Variants in YWHAQ observed in about 807,000 individuals in gnomAD.
YWHAQ encodes the protein tyrosine 3-monooxygenase/tryptophan 5-monooxygenase activation protein theta.
In YWHAQ, 6 loss-of-function variants were observed where a neutral mutation model predicts 28.3. That is an observed-to-expected ratio of 0.21 (90% CI 0.12 to 0.42). The LOEUF (loss-of-function observed/expected upper bound fraction) is 0.42. Ranked by LOEUF, YWHAQ falls within the 10% of genes least tolerant of loss-of-function variation. The pLI, the probability that YWHAQ is intolerant of heterozygous loss-of-function variation, is 1.00. For synonymous variants in YWHAQ, 143 were observed against 119.1 expected, an observed-to-expected ratio of 1.20 and a Z score of -1.31; for missense variants, 201 against 305.6, an observed-to-expected ratio of 0.66 and a Z score of 2.55.
At chr2:9,621,461 C>A (rs1346330938) in intron 2 of YWHAQ, among the ~76,000 whole-genome samples, 2 of 152,128 alleles carry the variant, frequency 1.3e-5, no homozygotes, top group Non-Finnish European at 2.9e-5. Flanking sequence ...ACATGGCAAC[C>A]AACAATTACA....
chr2:9,610,002 G>A (rs1349688481), intron 2 of YWHAQ, among the ~76,000 whole-genome samples: 2 of 152,304 alleles, frequency 1.3e-5, no homozygotes, highest in Middle Eastern at 3.4e-3. Context: ...AAGAGGACAC[G>A]TGTTTCCCGC....
In YWHAQ at chr2:9,630,632, G is replaced by A. The variant is rs971024528; in HGVS notation, c.-82-98C>T. On this transcript the variant is annotated intron_variant, in intron 1 of 5. Transcript: ENST00000238081. The surrounding 1 kb of genome is among the most constrained non-coding windows in gnomAD (Gnocchi z 5.6). Reference sequence around the variant, plus strand: ...GCCCGCTTTTGTCTCCCGCACACGCGGCCGCTTGAATTTCCCTCTCCCCCG... The same window carrying A: ...GCCCGCTTTTGTCTCCCGCACACGCAGCCGCTTGAATTTCCCTCTCCCCCG... The A allele has an allele frequency of 6.9e-6, 4 of 578,768 alleles. No individual in the cohort carries two copies. Among genetic ancestry groups the A allele is most frequent in the African/African-American group, 6.0e-5 (3 of 49,986 alleles). 35.9% of individuals were successfully genotyped at this position (578,768 alleles called of 1,614,324 possible). A position where few individuals can be genotyped will look rare whatever the true frequency, so the allele number is the denominator to read the frequency against.
chr2:9,630,101 CT>C lies in YWHAQ; in HGVS notation c.294+57del. ...CACGTTTGTTTCCGTGCCCGCGAAA[CT>C]CTCAATGAAAAGCATCTCACAAAAG... On this transcript the variant is annotated intron_variant, in intron 2 of 5. Coordinates refer to ENST00000238081, the MANE Select transcript of YWHAQ (RefSeq NM_006826.4). This position sits in a 1 kb window ranked among gnomAD's most constrained non-coding sequence, Gnocchi z 5.6. 4 of 1,561,428 alleles carry C rather than the reference CT, an allele frequency of 2.6e-6. No homozygotes were observed. Among genetic ancestry groups the C allele is most frequent in the Non-Finnish European group, 3.5e-6 (4 of 1,150,558 alleles).
intron 5 of YWHAQ, among the ~76,000 whole-genome samples, chr2:9,585,762 T>C (rs1027324907): frequency 6.6e-6 from 1 of 151,750 alleles, no homozygotes; most frequent in African/African-American, 2.4e-5. Context: ...AAAAACAAAA[T>C]TGGCCAGGTA....
intron 2 of YWHAQ, among the ~76,000 whole-genome samples, chr2:9,593,962 C>A (rs1330947969): frequency 7.5e-6 from 1 of 132,924 alleles, no homozygotes; most frequent in African/African-American, 3.0e-5. Flanking sequence ...GGGCCTGAGG[C>A]CAGAGGAAGT....
At chr2:9,613,198 T>C (rs7601942) in intron 2 of YWHAQ, among the ~76,000 whole-genome samples, 8,915 of 152,272 alleles carry the variant, frequency 0.059, 759 homozygotes, top group African/African-American at 0.19. Context: ...CACTCATTAA[T>C]GTGAATTTGC....
chr2:9,592,173 A>G (rs1228573408), intron 2 of YWHAQ, among the ~76,000 whole-genome samples: 1 of 152,222 alleles, frequency 6.6e-6, no homozygotes, highest in Non-Finnish European at 1.5e-5. Flanking sequence ...TCCATCTAAA[A>G]TGAGGTAAAT....
chr2:9,595,758 A>G (rs1379403220), intron 2 of YWHAQ, among the ~76,000 whole-genome samples: 1 of 150,946 alleles, frequency 6.6e-6, no homozygotes, highest in South Asian at 2.1e-4. Context: ...TCCCCCACTG[A>G]TTTCTTCTGT....
chr2:9,621,521 C>T lies in YWHAQ; in HGVS notation c.294+8638G>A, dbSNP rs143904122. Among the ~76,000 whole-genome samples the T allele has an allele frequency of 3.6e-3, 553 of 152,268 alleles. 4 individuals are homozygous for T. Among genetic ancestry groups the T allele is most frequent in the African/African-American group, 0.013 (525 of 41,552 alleles). On this transcript the variant is annotated intron_variant, in intron 2 of 5. Transcript: ENST00000238081. Reference sequence around the variant, plus strand: ...CCTGGATCTTACCATTAACCTTTTGCCATACTTGCTTTTTCAGATACCCAT... The same window carrying T: ...CCTGGATCTTACCATTAACCTTTTGTCATACTTGCTTTTTCAGATACCCAT...
intron 2 of YWHAQ, among the ~76,000 whole-genome samples, chr2:9,599,531 A>G (rs1437848681): frequency 2.0e-5 from 3 of 152,180 alleles, no homozygotes; most frequent in Admixed American, 1.3e-4. Context: ...TAGCATTCCA[A>G]AAATCCTAGG....
chr2:9,603,532 C>A (rs192313823), intron 2 of YWHAQ, among the ~76,000 whole-genome samples: 414 of 151,876 alleles, frequency 2.7e-3, no homozygotes, highest in African/African-American at 9.5e-3. Context: ...GCCTCAGCCT[C>A]CCAAAGTGCT....
At chr2:9,616,148 T>C (rs1332077024) in intron 2 of YWHAQ, among the ~76,000 whole-genome samples, 1 of 152,092 alleles carries the variant, frequency 6.6e-6, no homozygotes, top group African/African-American at 2.4e-5. Context: ...AAATCATGAG[T>C]TTTCCTTATA....
chr2:9,630,470 G>A lies in YWHAQ; in HGVS notation c.-18C>T, dbSNP rs752690192. On this transcript the variant is annotated 5_prime_UTR_variant, in exon 2 of 6. Coordinates refer to ENST00000238081, the MANE Select transcript of YWHAQ (RefSeq NM_006826.4). This position sits in a 1 kb window ranked among gnomAD's most constrained non-coding sequence, Gnocchi z 5.6. ...TTCTCCATGGCGGGCGCGGGGCCGG[G>A]GCCGGGGCGGAGGGCGAGGAGAGCG... The A allele has an allele frequency of 2.5e-6, 4 of 1,577,776 alleles. No individual in the cohort carries two copies. The highest frequency in any genetic ancestry group is 2.6e-6 in the Non-Finnish European group (3 of 1,165,202).
chr2:9,608,824 C>T (rs910875517), intron 2 of YWHAQ, among the ~76,000 whole-genome samples: 3 of 152,178 alleles, frequency 2.0e-5, no homozygotes, highest in African/African-American at 7.2e-5. Context: ...CCTGTAATCC[C>T]AGCTACTCAG....
At chr2:9,621,981 A>C (rs983988878) in intron 2 of YWHAQ, among the ~76,000 whole-genome samples, 2 of 152,184 alleles carry the variant, frequency 1.3e-5, no homozygotes, top group African/African-American at 4.8e-5. Context: ...GTGGGAGTTG[A>C]ACAATGAGAA....
intron 2 of YWHAQ, chr2:9,620,707 T>C (rs189442793): frequency 3.3e-5 from 5 of 152,326 alleles, no homozygotes; most frequent in African/African-American, 1.2e-4. Flanking sequence ...ATATCAACTA[T>C]TCTCCTTTCT....
intron 2 of YWHAQ, among the ~76,000 whole-genome samples, chr2:9,596,279 G>C (rs982165627): frequency 6.8e-6 from 1 of 147,808 alleles, no homozygotes; most frequent in Non-Finnish European, 1.5e-5. Flanking sequence ...CGATCTTCAA[G>C]AGTTAACTAT....
chr2:9,627,765 C>A (rs948725012), intron 2 of YWHAQ, among the ~76,000 whole-genome samples: 1 of 152,172 alleles, frequency 6.6e-6, no homozygotes, highest in Non-Finnish European at 1.5e-5. Flanking sequence ...GCCTTCCTTT[C>A]CAGGCTTGTC....
intron 2 of YWHAQ, among the ~76,000 whole-genome samples, chr2:9,602,851 AAAAAAAAAAAAATATATATATATAT>A (rs1666733301): frequency 6.1e-5 from 1 of 16,434 alleles, no homozygotes; most frequent in Non-Finnish European, 1.3e-4. Context: ...AAAAAAAAAA[AAAAAAAAAAAAATATATATATATAT>A]ATATATATAT....
Sources: allele counts gnomAD v4.1 joint callset (sites outside exome capture counted in the v4.1 genomes callset), GRCh38; gene constraint gnomAD v4.1.1; non-coding constraint Gnocchi (gnomAD v3.1); transcripts MANE v1.5; gene names NCBI Gene and HGNC (gene_info 2026-07-23, HGNC 2026-07-21).